Variants in PDCD11 observed in about 807,000 individuals in gnomAD.
PDCD11 encodes protein RRP5 homolog.
PDCD11 carries 97 observed loss-of-function variants against 198.9 expected under a neutral mutation model. The observed-to-expected ratio is 0.49, with a 90% CI of 0.41 to 0.58. The LOEUF (loss-of-function observed/expected upper bound fraction) is 0.58, where lower values mean the gene tolerates loss of function less well. PDCD11 is among the 20% of genes least tolerant of loss of function. PDCD11 has a pLI of 0.00. For synonymous variants in PDCD11, 893 were observed against 918.0 expected (o/e 0.97, Z 0.49); for missense variants, 2,102 against 2,312.7 (o/e 0.91, Z 1.87).
rs921857089 is a variant in PDCD11 at position 103,437,397 on chromosome 10, G to C, written c.3846-618G>C. On this transcript the variant is annotated intron_variant, in intron 25 of 35. Coordinates refer to ENST00000369797, the MANE Select transcript of PDCD11 (RefSeq NM_014976.2). The stretch of plus-strand genomic sequence containing the variant: ...GGCTTCTAGCAGTTCTCCTGCCTCG[G>C]CCTCCCAAAGTGTTGAGATTACAGA... Among the ~76,000 whole-genome samples, 6 of 152,248 alleles carry C rather than the reference G, an allele frequency of 3.9e-5. No homozygotes were observed. In the East Asian group the frequency reaches 1.2e-3, roughly 29 times the overall value.
At position 103,417,943 on chromosome 10, in the gene PDCD11, T is replaced by C. The variant is rs2031203807; in HGVS notation, c.1911+11T>C. ...ATTAACATTGGGCAGGTACGTGGACTTCTCTGGACAAGCTATTTTATGTTA... is the reference window on the plus strand; with the variant it reads ...ATTAACATTGGGCAGGTACGTGGACCTCTCTGGACAAGCTATTTTATGTTA... On this transcript the variant is annotated intron_variant, in intron 14 of 35. Coordinates refer to ENST00000369797, the MANE Select transcript of PDCD11 (RefSeq NM_014976.2). 6.2e-7 allele frequency: 1 copy of C among 1,613,492 alleles called. No homozygotes were observed. Among genetic ancestry groups the C allele is most frequent in the Non-Finnish European group, 8.5e-7 (1 of 1,179,882 alleles).
intron 17 of PDCD11, among the ~76,000 whole-genome samples, chr10:103,422,093 T>TATTATA (rs2031472872): frequency 6.9e-6 from 1 of 145,684 alleles, no homozygotes; most frequent in Non-Finnish European, 1.5e-5. Context: ...TTATTATTAT[T>TATTATA]ATTATTGAGA....
chr10:103,434,647 G>A lies in PDCD11; in HGVS notation c.3668-151G>A, dbSNP rs147879689. 52 of 629,298 alleles carry A rather than the reference G, an allele frequency of 8.3e-5. No individual in the cohort carries two copies. The East Asian group carries it at 1.4e-3, about 17-fold the overall frequency. The allele number at this position is 629,298 out of a possible 1,614,324, so 39.0% of individuals were successfully genotyped here. On this transcript the variant is annotated intron_variant, in intron 24 of 35. Coordinates refer to ENST00000369797, the MANE Select transcript of PDCD11 (RefSeq NM_014976.2). The stretch of plus-strand genomic sequence containing the variant: ...CCTGAGGTCCTTGGCTACATGGCAG[G>A]GTGATCTCAGTCTAGATGGTTCTGG...
rs749805337 is a variant in PDCD11, at chr10:103,414,049, C to T, written c.1269C>T (p.Asp423=). 6.2e-7 allele frequency: 1 copy of T among 1,613,590 alleles called. No individual in the cohort carries two copies. Among genetic ancestry groups the T allele is most frequent in the Non-Finnish European group, 8.5e-7 (1 of 1,179,820 alleles). The change falls in exon 10 of 36, where the codon GAC becomes GAT. Residue 423 remains aspartate, a synonymous_variant. Transcript: ENST00000369797. ...ACACTCACAAGTGTAGAATTATTGA[C>T]TACAGCCAAATGGATGAACTGGCCT... is the stretch of plus-strand genomic sequence containing the variant. ...PGNTHKCRII[D]YSQMDELALL...
Position 103,442,341 on chromosome 10 carries a change from G to A in PDCD11, c.4836G>A (p.Val1612=). 6.2e-7 allele frequency: 1 copy of A among 1,614,232 alleles called. No individual in the cohort carries two copies. The highest frequency in any genetic ancestry group is 8.5e-7 in the Non-Finnish European group (1 of 1,180,044). ...PESADDFDRL[V]LSSPNSSILW... ...CCGCGGATGATTTTGACCGACTGGT[G>A]CTGAGCTCCCCCAACAGCTCCATTC... Residue 1612 remains valine (V), a synonymous_variant, in exon 32 of 36, where the codon GTG becomes GTA. Coordinates refer to ENST00000369797, the MANE Select transcript of PDCD11 (RefSeq NM_014976.2).
Position 103,409,791 on chromosome 10 carries a change from T to C in PDCD11, c.963T>C (p.Tyr321=). The change falls in exon 8 of 36, where the codon TAT becomes TAC. Residue 321 remains tyrosine, a synonymous_variant. Coordinates refer to ENST00000369797, the MANE Select transcript of PDCD11 (RefSeq NM_014976.2). ...TGGATCCCAAGAAAGCTGGAACATA[T>C]TTCTCAAATCAGGCAGTAAGAAATG... The part of the protein sequence containing the change: ...MHLDPKKAGT[Y]FSNQAVRACI... 1 of 1,612,580 alleles carries C rather than the reference T, an allele frequency of 6.2e-7. No individual in the cohort carries two copies. Among genetic ancestry groups the C allele is most frequent in the Non-Finnish European group, 8.5e-7 (1 of 1,178,554 alleles).
At chr10:103,416,836 G>A (rs946134326) in intron 13 of PDCD11, 94 bp downstream of exon 13, 9 of 1,423,750 alleles carry the variant, frequency 6.3e-6, no homozygotes, top group Non-Finnish European at 8.7e-6. Context: ...CCTTTAGGAG[G>A]CTGAGGAAGA....
In PDCD11 at chr10:103,406,680, A is replaced by T; in HGVS notation, c.760A>T (p.Ser254Cys). 4 of 1,614,164 alleles carry T rather than the reference A, an allele frequency of 2.5e-6. No individual in the cohort carries two copies. The highest frequency in any genetic ancestry group is 2.5e-6 in the Non-Finnish European group (3 of 1,180,020). Residue 254 changes from serine (S) to cysteine (C), a missense_variant, in exon 7 of 36, where the codon AGT (serine) becomes TGT (cysteine). Transcript: ENST00000369797. ...GGTGAAAGGCAACGGAGGAGTTGTT[A>T]GTCTGTCTGTTGGTCACTCAGAGGT... is the stretch of plus-strand genomic sequence containing the variant. Reference protein sequence around the residue: ...EKVKGNGGVVSLSVGHSEVST... With the variant: ...EKVKGNGGVVCLSVGHSEVST...
At position 103,398,456 on chromosome 10, in the gene PDCD11, A is replaced by C; in HGVS notation, c.30A>C (p.Arg10=). The change falls in exon 2 of 36, where the codon CGA becomes CGC. Residue 10 remains arginine, a synonymous_variant. Transcript: ENST00000369797. ...CAAACCTGGAAGAAAGCTTCCCCCG[A>C]GGAGGTACAAGAAAGATCCACAAAC... MANLEESFP[R]GGTRKIHKPE... The C allele has an allele frequency of 6.2e-7, 1 of 1,614,084 alleles. No homozygotes were observed. The highest frequency in any genetic ancestry group is 8.5e-7 in the Non-Finnish European group (1 of 1,179,912).
intron 8 of PDCD11, among the ~76,000 whole-genome samples, chr10:103,412,307 C>T (rs932365994): frequency 2.0e-5 from 3 of 150,414 alleles, no homozygotes; most frequent in East Asian, 2.0e-4. Flanking sequence ...ATTACAGGTA[C>T]GTACCACCAT....
chr10:103,438,807 C>T lies in PDCD11; in HGVS notation c.4024C>T (p.Arg1342Cys), dbSNP rs374434771. 1.1e-5 allele frequency: 17 copies of T among 1,613,706 alleles called. 1 individual carries two copies. Among genetic ancestry groups the T allele is most frequent in the South Asian group, 5.5e-5 (5 of 91,062 alleles). ...CATCCAGCCACACGGTGTGTTCTTT[C>T]GGTGAGTGAGGGGGGCTCTGCACCC... ...GSIQPHGVFF[R>C]LGPSVVGLAR... The change falls in exon 27 of 36, where the codon CGC becomes TGC. Residue 1342 changes from arginine to cysteine, a missense_variant and splice_region_variant. Transcript: ENST00000369797.
At position 103,416,455 on chromosome 10, in the gene PDCD11, C is replaced by T. The variant is rs764258838; in HGVS notation, c.1519-36C>T. The T allele has an allele frequency of 2.5e-6, 4 of 1,608,840 alleles. No homozygotes were observed. The South Asian group carries it at 4.4e-5, about 18-fold the overall frequency. On this transcript the variant is annotated intron_variant, in intron 12 of 35. Transcript: ENST00000369797. The stretch of plus-strand genomic sequence containing the variant: ...ACCAGCTCAGTGGCTCTCATGATAA[C>T]AGATAACTTGATGACAGCCTGTGTC...
chr10:103,419,573 A>G lies in PDCD11; in HGVS notation c.2142A>G (p.Val714=), dbSNP rs1312600908. The part of the protein sequence containing the change: ...LCRKPALVST[V]EGGQDPKNFS... ...GGAAGCCAGCCTTGGTCTCCACAGTAGAAGGTGGCCAGGATCCCAAGAACT... is the reference window on the plus strand; with the variant it reads ...GGAAGCCAGCCTTGGTCTCCACAGTGGAAGGTGGCCAGGATCCCAAGAACT... Residue 714 remains valine, a synonymous_variant, in exon 16 of 36, where the codon GTA becomes GTG. Transcript: ENST00000369797. The G allele has an allele frequency of 6.2e-7, 1 of 1,614,134 alleles. No homozygotes were observed.
chr10:103,398,773 GT>G (rs2093449943), intron 2 of PDCD11, among the ~76,000 whole-genome samples: 1 of 152,176 alleles, frequency 6.6e-6, no homozygotes, highest in African/African-American at 2.4e-5. Context: ...AATCCCAGCA[GT>G]TTGGGAAGCC....
chr10:103,417,666 C>T, intron 13 of PDCD11, 126 bp from the exon 14 acceptor site: 1 of 936,114 alleles, frequency 1.1e-6, no homozygotes, highest in Non-Finnish European at 1.6e-6. Context: ...CTTTTCACTG[C>T]CTCCTGATCT....
chr10:103,445,633 C>A lies in PDCD11; in HGVS notation c.*84C>A. The A allele has an allele frequency of 9.1e-7, 1 of 1,102,524 alleles. No individual in the cohort carries two copies. Among genetic ancestry groups the A allele is most frequent in the Non-Finnish European group, 1.3e-6 (1 of 759,956 alleles). 68.3% of individuals were successfully genotyped at this position (1,102,524 alleles called of 1,614,324 possible). ...TGCCTGGGCACTCGGAAAACTGTTA[C>A]CTCAGGACTCTATTTAAATGCTGCT... On this transcript the variant is annotated 3_prime_UTR_variant, in exon 36 of 36. Coordinates refer to ENST00000369797, the MANE Select transcript of PDCD11 (RefSeq NM_014976.2).
In PDCD11 at chr10:103,414,052, C is replaced by T. The variant is rs1281874037; in HGVS notation, c.1272C>T (p.Tyr424=). 2 of 1,613,498 alleles carry T rather than the reference C, an allele frequency of 1.2e-6. No individual in the cohort carries two copies. The highest frequency in any genetic ancestry group is 1.7e-6 in the Non-Finnish European group (2 of 1,179,820). The part of the protein sequence containing the change: ...GNTHKCRIID[Y]SQMDELALLS... The stretch of plus-strand genomic sequence containing the variant: ...CTCACAAGTGTAGAATTATTGACTA[C>T]AGCCAAATGGATGAACTGGCCTTGC... Residue 424 remains tyrosine (Y), a synonymous_variant, in exon 10 of 36, where the codon TAC becomes TAT. Coordinates refer to ENST00000369797, the MANE Select transcript of PDCD11 (RefSeq NM_014976.2).
At position 103,400,590 on chromosome 10, in the gene PDCD11, C is replaced by CT. The variant is rs916337263; in HGVS notation, c.234+69dup. The CT allele has an allele frequency of 1.2e-5, 18 of 1,502,230 alleles. 1 individual carries two copies. In the African/African-American group the frequency reaches 2.3e-4, roughly 19 times the overall value. 93.1% of individuals were successfully genotyped at this position (1,502,230 alleles called of 1,614,324 possible). ...TTGGTTGCTTAAGTTTGTGTATGTT[C>CT]TTTTTTTCTTCTTTCCTTCTTTTTT... On this transcript the variant is annotated intron_variant, in intron 3 of 35. Coordinates refer to ENST00000369797, the MANE Select transcript of PDCD11 (RefSeq NM_014976.2).
Position 103,438,082 on chromosome 10 carries a change from G to A in PDCD11, c.3902+11G>A. ...GCTGCGATCATCCAGGTGGGTTTCT[G>A]TGTTGTTGGAAAAAGAAAGGAGGAA... On this transcript the variant is annotated intron_variant, in intron 26 of 35. Transcript: ENST00000369797. 6.2e-7 allele frequency: 1 copy of A among 1,612,238 alleles called. No individual in the cohort carries two copies. The highest frequency in any genetic ancestry group is 8.5e-7 in the Non-Finnish European group (1 of 1,178,358).
Sources: allele counts gnomAD v4.1 joint callset (sites outside exome capture counted in the v4.1 genomes callset), GRCh38; gene constraint gnomAD v4.1.1; transcripts MANE v1.5; gene names NCBI Gene and HGNC (gene_info 2026-07-23, HGNC 2026-07-21).